TDRD12: variants seen among roughly 807,000 people sequenced by gnomAD.
TDRD12 encodes the protein putative ATP-dependent RNA helicase TDRD12.
TDRD12 carries 158 observed loss-of-function variants against 133.5 expected under a neutral mutation model. That is an observed-to-expected ratio of 1.18 (90% CI 1.04 to 1.35). TDRD12 has a LOEUF of 1.35. TDRD12 is among the 40% of genes most tolerant of loss of function. The pLI is 0.00. For synonymous variants in TDRD12, 460 were observed against 477.9 expected, an observed-to-expected ratio of 0.96 and a Z score of 0.49; for missense variants, 1,443 against 1,321.3, an observed-to-expected ratio of 1.09 and a Z score of -1.43.
chr19:32,822,711 C>T (rs1377215370), downstream of TDRD12, among the ~76,000 whole-genome samples: 10 of 150,736 alleles, frequency 6.6e-5, no homozygotes, highest in Non-Finnish European at 1.3e-4. Context: ...CGCGCCACTG[C>T]ACTCCAGCCT....
chr19:32,772,809 G>A, exon 9 of TDRD12: 2 of 1,512,284 alleles, frequency 1.3e-6, no homozygotes, highest in Non-Finnish European at 1.8e-6. Flanking sequence ...AGACAAATCT[G>A]AAAAGAAACA....
intron 23 of TDRD12, among the ~76,000 whole-genome samples, 181 bp from the exon 24 acceptor site, chr19:32,811,029 A>C (rs182619153): frequency 1.2e-3 from 180 of 152,362 alleles, no homozygotes; most frequent in Middle Eastern, 3.4e-3. Context: ...TTTTATACTT[A>C]TGTATACTTT....
At position 32,725,071 on chromosome 19, in the gene TDRD12, G is replaced by T. The variant is rs1009174496; in HGVS notation, c.24+4975G>T. Among the ~76,000 whole-genome samples the T allele has an allele frequency of 1.1e-4, 16 of 151,920 alleles. No individual in the cohort carries two copies. The Middle Eastern group carries it at 0.01, about 97-fold the overall frequency. On this transcript the variant is annotated intron_variant, in intron 1 of 27. Coordinates refer to ENST00000444215, the Ensembl canonical transcript of TDRD12. ...TACTTTTTGATGGGGTTTTTTTCTT[G>T]TAAATTTGTTTCAGTTCCTTACAGA...
chr19:32,757,397 A>G (rs1163218191), intron 8 of TDRD12, among the ~76,000 whole-genome samples: 3 of 152,186 alleles, frequency 2.0e-5, no homozygotes, highest in Non-Finnish European at 2.9e-5. Context: ...ACCAGTAATC[A>G]CTGTCTGTCC....
chr19:32,763,376 T>G (rs1599553970), intron 8 of TDRD12, among the ~76,000 whole-genome samples: 2 of 152,248 alleles, frequency 1.3e-5, no homozygotes, highest in Non-Finnish European at 1.5e-5. Flanking sequence ...GCTTCTCAGG[T>G]GCCCCTCAGC....
intron 13 of TDRD12, among the ~76,000 whole-genome samples, chr19:32,793,890 G>A: frequency 6.7e-6 from 1 of 149,888 alleles, no homozygotes; most frequent in Non-Finnish European, 1.5e-5. Context: ...TGCCTCCCGG[G>A]TTCAAGTCAT....
intron 14 of TDRD12, chr19:32,796,295 A>G (rs1172816629): frequency 6.0e-6 from 4 of 670,796 alleles, no homozygotes; most frequent in Middle Eastern, 7.5e-4. Context: ...CCCTTTAGAA[A>G]GTTGCATCTG....
chr19:32,721,082 G>A (rs115656400), intron 1 of TDRD12, among the ~76,000 whole-genome samples: 3,672 of 152,180 alleles, frequency 0.024, 133 homozygotes, highest in African/African-American at 0.084. Context: ...ATGGGTCCGG[G>A]CTTCCCTCAT....
chr19:32,724,553 C>T (rs748482596), intron 1 of TDRD12, among the ~76,000 whole-genome samples: 3 of 152,152 alleles, frequency 2.0e-5, no homozygotes, highest in Non-Finnish European at 4.4e-5. Flanking sequence ...AGGATATTAT[C>T]TTGTTACTTT....
chr19:32,764,850 A>C (rs1970249670), intron 8 of TDRD12, among the ~76,000 whole-genome samples: 2 of 152,212 alleles, frequency 1.3e-5, no homozygotes, highest in South Asian at 4.1e-4. Flanking sequence ...TGTCTAAAAC[A>C]CCAAAAGCAA....
chr19:32,827,340 T>C, exon 10 of TDRD12: 1 of 638,256 alleles, frequency 1.6e-6, no homozygotes, highest in Non-Finnish European at 2.2e-6. Context: ...AAGAAAACAG[T>C]CAGTCATAAC....
chr19:32,740,300 A>G (rs1247451217), intron 3 of TDRD12, among the ~76,000 whole-genome samples: 58 of 50,768 alleles, frequency 1.1e-3, no homozygotes, highest in Admixed American at 4.8e-3. Context: ...TCTCCTGGGC[A>G]CTCTCTGCAT....
downstream of TDRD12, among the ~76,000 whole-genome samples, chr19:32,824,883 C>T (rs117784568): frequency 6.6e-6 from 1 of 152,206 alleles, no homozygotes; most frequent in Admixed American, 6.5e-5. Context: ...AAATCAACCT[C>T]GAGTCGGCTG....
chr19:32,822,088 T>C (rs1225528645), downstream of TDRD12, among the ~76,000 whole-genome samples: 1 of 152,026 alleles, frequency 6.6e-6, no homozygotes, highest in Non-Finnish European at 1.5e-5. Flanking sequence ...ACCACTGCAC[T>C]CCAGCCTGGA....
intron 24 of TDRD12, among the ~76,000 whole-genome samples, chr19:32,812,290 A>G (rs1308402012): frequency 6.6e-6 from 1 of 152,188 alleles, no homozygotes; most frequent in Non-Finnish European, 1.5e-5. Flanking sequence ...GGCCAGGGAG[A>G]AACCTGCAGC....
chr19:32,807,394 T>C, intron 21 of TDRD12, 155 bp from the exon 22 acceptor site: 2 of 427,900 alleles, frequency 4.7e-6, no homozygotes, highest in East Asian at 3.5e-5. Context: ...ATTATTAATG[T>C]CATCTGAAAT....
chr19:32,811,388 CCTG>C, exon 24 of TDRD12: 1 of 1,536,102 alleles, frequency 6.5e-7, no homozygotes, highest in Non-Finnish European at 8.7e-7. Flanking sequence ...TAGGGTGAAA[CCTG>C]CTGACAACGA....
intron 1 of TDRD12, among the ~76,000 whole-genome samples, chr19:32,728,220 T>C (rs1352322916): frequency 6.6e-6 from 1 of 152,210 alleles, no homozygotes; most frequent in Non-Finnish European, 1.5e-5. Flanking sequence ...TGTTCTTTTT[T>C]GATATTGTTT....
chr19:32,785,987 T>A (rs1970897951), intron 11 of TDRD12, among the ~76,000 whole-genome samples: 1 of 152,220 alleles, frequency 6.6e-6, no homozygotes, highest in Non-Finnish European at 1.5e-5. Flanking sequence ...GCTAGCTGGT[T>A]ATTTTGCCCA....
Sources: allele counts gnomAD v4.1 joint callset (sites outside exome capture counted in the v4.1 genomes callset), GRCh38; gene constraint gnomAD v4.1.1; transcripts MANE v1.5; gene names NCBI Gene and HGNC (gene_info 2026-07-23, HGNC 2026-07-21).